Variants in MAP4K4 observed in about 807,000 individuals in gnomAD.
The protein encoded by MAP4K4 is mitogen-activated protein kinase kinase kinase kinase 4, also known as HPK/GCK-like kinase HGK.
Under a neutral mutation model 189.6 loss-of-function variants are expected in MAP4K4, and 38 were observed. The ratio of observed to expected loss-of-function variants is 0.20; its 90% CI spans 0.15 to 0.26. MAP4K4 has a LOEUF of 0.26. Ranked by LOEUF, MAP4K4 falls within the 10% of genes least tolerant of loss-of-function variation. The pLI, the probability that MAP4K4 is intolerant of heterozygous loss-of-function variation, is 1.00. For missense variants in MAP4K4, 1,054 were observed against 1,726.9 expected (o/e 0.61, Z 6.91); for synonymous variants, 610 against 624.3 (o/e 0.98, Z 0.34).
intron 30 of MAP4K4, among the ~76,000 whole-genome samples, chr2:101,887,500 C>T (rs913103868): frequency 2.0e-5 from 3 of 152,178 alleles, no homozygotes; most frequent in Non-Finnish European, 2.9e-5. Context: ...CAGTTGCTGC[C>T]AGGCCAGAAT....
At chr2:101,761,102 A>G (rs997804394) in intron 2 of MAP4K4, among the ~76,000 whole-genome samples, 5 of 152,254 alleles carry the variant, frequency 3.3e-5, no homozygotes, top group African/African-American at 1.2e-4. Context: ...ATGTGGAATT[A>G]TACTTCTTCC....
chr2:101,845,508 G>A (rs918132074), intron 12 of MAP4K4, among the ~76,000 whole-genome samples: 1 of 152,144 alleles, frequency 6.6e-6, no homozygotes, highest in Non-Finnish European at 1.5e-5. Context: ...AGCCTACTGC[G>A]CACCTAGACT....
chr2:101,702,783 A>C (rs1312367584), intron 2 of MAP4K4, among the ~76,000 whole-genome samples: 1 of 152,198 alleles, frequency 6.6e-6, no homozygotes, highest in Admixed American at 6.5e-5. Context: ...GGAAGGGTAC[A>C]ATGTGGACCT....
intron 2 of MAP4K4, among the ~76,000 whole-genome samples, chr2:101,769,314 A>G (rs1387216208): frequency 1.3e-5 from 2 of 152,210 alleles, no homozygotes; most frequent in Non-Finnish European, 2.9e-5. Context: ...TGTAATAGTG[A>G]ATATTCAGCA....
chr2:101,826,978 C>G (rs1275180801), intron 5 of MAP4K4, among the ~76,000 whole-genome samples: 1 of 152,118 alleles, frequency 6.6e-6, no homozygotes, highest in Non-Finnish European at 1.5e-5. Context: ...TGTGATATCT[C>G]AAGCAGAGAA....
intron 2 of MAP4K4, among the ~76,000 whole-genome samples, chr2:101,753,777 T>G (rs1487637404): frequency 2.0e-5 from 3 of 152,078 alleles, no homozygotes; most frequent in East Asian, 3.9e-4. Context: ...TTTTGGTGAC[T>G]GTTTTGGATT....
At chr2:101,878,257 C>T (rs188626407) in intron 27 of MAP4K4, among the ~76,000 whole-genome samples, 1 of 152,286 alleles carries the variant, frequency 6.6e-6, no homozygotes, top group African/African-American at 2.4e-5. Flanking sequence ...AATGGTTATA[C>T]AATATTTCAA....
intron 2 of MAP4K4, among the ~76,000 whole-genome samples, chr2:101,772,776 G>T (rs1042379607): frequency 6.6e-6 from 1 of 152,078 alleles, no homozygotes; most frequent in Non-Finnish European, 1.5e-5. Flanking sequence ...ATCTTGCCCC[G>T]CGCCTGGGCA....
intron 16 of MAP4K4, 106 bp downstream of exon 16, chr2:101,861,092 G>A: frequency 9.6e-7 from 1 of 1,045,968 alleles, no homozygotes; most frequent in Non-Finnish European, 1.4e-6. Context: ...CACTGAAAAA[G>A]AGGAGAGATT....
chr2:101,876,904 T>C, intron 26 of MAP4K4, 99 bp from the exon 27 acceptor site: 1 of 1,239,248 alleles, frequency 8.1e-7, no homozygotes, highest in Non-Finnish European at 1.1e-6. Context: ...TTAAGGAAGC[T>C]ACACTTTTTT....
chr2:101,799,279 G>A (rs370099539), intron 3 of MAP4K4, among the ~76,000 whole-genome samples: 1 of 152,202 alleles, frequency 6.6e-6, no homozygotes, highest in Non-Finnish European at 1.5e-5. Flanking sequence ...TTAATGTAAA[G>A]TATGTAGTCT....
At chr2:101,773,643 T>C (rs1466063237) in intron 2 of MAP4K4, among the ~76,000 whole-genome samples, 2 of 152,236 alleles carry the variant, frequency 1.3e-5, no homozygotes, top group East Asian at 3.9e-4. Context: ...TAAATTATTA[T>C]TGACTATAGG....
chr2:101,705,426 C>T (rs575065146), intron 2 of MAP4K4, among the ~76,000 whole-genome samples: 32 of 152,298 alleles, frequency 2.1e-4, no homozygotes, highest in Non-Finnish European at 3.8e-4. Flanking sequence ...AATGAATGCA[C>T]TGACACATGG....
chr2:101,836,188 A>C (rs765881776), intron 9 of MAP4K4, among the ~76,000 whole-genome samples: 1 of 152,234 alleles, frequency 6.6e-6, no homozygotes. Flanking sequence ...AACGGTGACA[A>C]ATGACCACAT....
intron 7 of MAP4K4, among the ~76,000 whole-genome samples, chr2:101,834,208 C>CCA (rs1466295203): frequency 7.7e-6 from 1 of 130,206 alleles, no homozygotes; most frequent in African/African-American, 2.8e-5. Context: ...CTCCATCCCT[C>CCA]CATCCCTCCA....
At chr2:101,891,037 T>C in intron 32 of MAP4K4, 129 bp from the exon 33 acceptor site, 1 of 716,882 alleles carries the variant, frequency 1.4e-6, no homozygotes, top group Admixed American at 2.4e-5. Flanking sequence ...GAGTTTCTTT[T>C]GAAAAGGCTC....
intron 29 of MAP4K4, among the ~76,000 whole-genome samples, chr2:101,885,785 A>C (rs2098471786): frequency 6.6e-6 from 1 of 152,200 alleles, no homozygotes; most frequent in Non-Finnish European, 1.5e-5. Flanking sequence ...TCAATAAAAA[A>C]CTCAGCTATA....
At chr2:101,784,137 A>G (rs1417086443) in intron 2 of MAP4K4, among the ~76,000 whole-genome samples, 1 of 152,178 alleles carries the variant, frequency 6.6e-6, no homozygotes, top group Non-Finnish European at 1.5e-5. Context: ...CACTAGCCCC[A>G]TAGTGATGTG....
intron 9 of MAP4K4, among the ~76,000 whole-genome samples, chr2:101,836,503 G>A (rs540513007): frequency 3.3e-5 from 5 of 151,942 alleles, no homozygotes; most frequent in South Asian, 2.1e-4. Context: ...CAGGAGAATC[G>A]CTGGAACCCA....
Sources: allele counts gnomAD v4.1 joint callset (sites outside exome capture counted in the v4.1 genomes callset), GRCh38; gene constraint gnomAD v4.1.1; transcripts MANE v1.5; gene names NCBI Gene and HGNC (gene_info 2026-07-23, HGNC 2026-07-21).